Variants in SAP130 observed in about 807,000 individuals in gnomAD.
SAP130 encodes the protein Sin3A associated protein 130.
SAP130 carries 16 observed loss-of-function variants against 103.2 expected under a neutral mutation model. The observed-to-expected ratio is 0.16, with a 90% CI of 0.10 to 0.24. The LOEUF is 0.24. Ranked by LOEUF, SAP130 falls within the 10% of genes least tolerant of loss-of-function variation. The pLI, the probability that SAP130 is intolerant of heterozygous loss-of-function variation, is 1.00. For missense variants in SAP130, 990 were observed against 1,359.7 expected, an observed-to-expected ratio of 0.73 and a Z score of 4.28; for synonymous variants, 477 against 497.0, an observed-to-expected ratio of 0.96 and a Z score of 0.53.
At chr2:127,994,299 G>A (rs971739696) in intron 11 of SAP130, among the ~76,000 whole-genome samples, 1 of 152,202 alleles carries the variant, frequency 6.6e-6, no homozygotes, top group African/African-American at 2.4e-5. Flanking sequence ...GGGAGACTGA[G>A]GCAGGTGAAT....
At chr2:128,014,776 G>T in intron 5 of SAP130, 27 bp downstream of exon 5, 2 of 1,505,758 alleles carry the variant, frequency 1.3e-6, no homozygotes, top group Non-Finnish European at 1.8e-6. Context: ...CATTTTGAGA[G>T]TTTGAACAAA....
chr2:127,986,414 G>A lies in SAP130; in HGVS notation c.1958+371C>T, dbSNP rs1289680718. Reference sequence around the variant, plus strand: ...CAAGGGAACTTTTCCCGTTTCAACAGCAACGATTCATGCTGAATGAAGTTT... The same window carrying A: ...CAAGGGAACTTTTCCCGTTTCAACAACAACGATTCATGCTGAATGAAGTTT... On this transcript the variant is annotated intron_variant, in intron 14 of 20. Coordinates refer to ENST00000643581, the MANE Select transcript of SAP130 (RefSeq NM_001330301.2). This position sits in a 1 kb window ranked among gnomAD's most constrained non-coding sequence, Gnocchi z 4.7. Among the ~76,000 whole-genome samples the A allele has an allele frequency of 6.6e-6, 1 of 152,194 alleles. No individual in the cohort carries two copies. Among genetic ancestry groups the A allele is most frequent in the Non-Finnish European group, 1.5e-5 (1 of 68,044 alleles).
chr2:127,988,102 G>A (rs1363722919), intron 13 of SAP130, among the ~76,000 whole-genome samples: 1 of 152,100 alleles, frequency 6.6e-6, no homozygotes, highest in Non-Finnish European at 1.5e-5. Flanking sequence ...TTAAATAGTT[G>A]AATTCAAGGT....
chr2:127,954,164 T>C (rs190528454), intron 16 of SAP130, among the ~76,000 whole-genome samples: 15 of 152,166 alleles, frequency 9.9e-5, no homozygotes, highest in African/African-American at 3.4e-4. Context: ...TTGAAGAAAG[T>C]GCCAAGGGTA....
intron 15 of SAP130, among the ~76,000 whole-genome samples, chr2:127,956,427 A>G (rs1346156837): frequency 6.6e-6 from 1 of 152,156 alleles, no homozygotes. Flanking sequence ...AAGTAAAACC[A>G]CCTGGGGCTT....
chr2:128,024,284 G>C (rs537152469), intron 2 of SAP130, among the ~76,000 whole-genome samples: 1 of 151,878 alleles, frequency 6.6e-6, no homozygotes, highest in East Asian at 1.9e-4. Flanking sequence ...TTTGAGACAA[G>C]CCTGGTCAAC....
At chr2:128,023,548 G>A (rs1007872757) in intron 2 of SAP130, among the ~76,000 whole-genome samples, 1 of 152,170 alleles carries the variant, frequency 6.6e-6, no homozygotes, top group Non-Finnish European at 1.5e-5. Context: ...GGGAGGCTGA[G>A]GCGGGCAGAT....
At chr2:127,983,820 G>GTTTTTT (rs1455013059) in intron 14 of SAP130, among the ~76,000 whole-genome samples, 1 of 112,354 alleles carries the variant, frequency 8.9e-6, no homozygotes, top group African/African-American at 3.8e-5. Flanking sequence ...CTATTACTTT[G>GTTTTTT]TTGTTTTTTT....
intron 15 of SAP130, among the ~76,000 whole-genome samples, chr2:127,957,357 C>G (rs2104773967): frequency 6.6e-6 from 1 of 152,258 alleles, no homozygotes; most frequent in East Asian, 1.9e-4. Context: ...ACACTAGAGT[C>G]TGAACTGTAT....
chr2:127,955,181 G>T lies in SAP130; in HGVS notation c.2227C>A (p.Pro743Thr). The change falls in exon 16 of 21, where the codon CCG becomes ACG. Residue 743 changes from proline (P) to threonine (T), a missense_variant. By Grantham distance (38) the Pro-to-Thr change is conservative. Around this residue, in one of 6 missense-constraint regions of SAP130, gnomAD observed 349 missense variants for 384.1 expected, o/e 0.91. Transcript: ENST00000643581. This position sits in a 1 kb window ranked among gnomAD's most constrained non-coding sequence, Gnocchi z 4.9. ...IPTMIAAASP[P>T]SQPAVALSTI... Reference sequence around the variant, plus strand: ...GAAAGGGCAACGGCTGGTTGTGACGGGGGACTGGCTGCTGCAATCATAGTT... The same window carrying T: ...GAAAGGGCAACGGCTGGTTGTGACGTGGGACTGGCTGCTGCAATCATAGTT... 1 of 1,614,182 alleles carries T rather than the reference G, an allele frequency of 6.2e-7. No homozygotes were observed.
Position 127,941,584 on chromosome 2 carries a change from G to T in SAP130, c.*422C>A. ...AGAACCGAATGGGGTGGGTGGAAGA[G>T]GTTTTATTTTCAGTGTAGAGAGATA... On this transcript the variant is annotated 3_prime_UTR_variant, in exon 21 of 21. Transcript: ENST00000643581. 1 of 161,780 alleles carries T rather than the reference G, an allele frequency of 6.2e-6. No homozygotes were observed. The highest frequency in any genetic ancestry group is 1.3e-5 in the Non-Finnish European group (1 of 74,686). 10.0% of individuals were successfully genotyped at this position (161,780 alleles called of 1,614,324 possible).
intron 2 of SAP130, among the ~76,000 whole-genome samples, chr2:128,024,051 A>G (rs775957086): frequency 2.6e-5 from 4 of 151,854 alleles, no homozygotes; most frequent in African/African-American, 9.7e-5. Context: ...AAGAATGTGC[A>G]AAGTCCCAAA....
intron 12 of SAP130, among the ~76,000 whole-genome samples, chr2:127,992,462 T>A (rs1169926790): frequency 1.3e-5 from 2 of 151,956 alleles, no homozygotes; most frequent in Non-Finnish European, 2.9e-5. Context: ...GTATTTTTAG[T>A]AGAGACAGGG....
chr2:127,958,505 T>C (rs1169782838), intron 15 of SAP130, among the ~76,000 whole-genome samples: 2 of 152,150 alleles, frequency 1.3e-5, no homozygotes, highest in Non-Finnish European at 2.9e-5. Context: ...ACACATAAGA[T>C]ATAAAGATCA....
intron 15 of SAP130, among the ~76,000 whole-genome samples, chr2:127,972,919 C>T (rs1356765735): frequency 6.6e-6 from 1 of 152,026 alleles, no homozygotes; most frequent in Non-Finnish European, 1.5e-5. Flanking sequence ...GGTGACTGGG[C>T]AAGACCCTGT....
intron 7 of SAP130, among the ~76,000 whole-genome samples, chr2:128,006,881 G>A (rs932925046): frequency 7.2e-5 from 11 of 152,312 alleles, no homozygotes; most frequent in Admixed American, 3.3e-4. Context: ...TGTTGAAGAA[G>A]TTCTATCTTA....
chr2:127,953,225 T>C lies in SAP130; in HGVS notation c.2422+1761A>G, dbSNP rs1679609426. Among the ~76,000 whole-genome samples the C allele has an allele frequency of 1.3e-5, 2 of 152,222 alleles. No homozygotes were observed. Among genetic ancestry groups the C allele is most frequent in the South Asian group, 4.1e-4 (2 of 4,836 alleles). ...CAAAAATCTTGGAAATTGTCCCAGA[T>C]ACTGTTCTCTCACACTCAACATCCA... On this transcript the variant is annotated intron_variant, in intron 16 of 20. Transcript: ENST00000643581. The surrounding 1 kb of genome is among the most constrained non-coding windows in gnomAD (Gnocchi z 4.0).
chr2:127,953,847 T>C lies in SAP130; in HGVS notation c.2422+1139A>G, dbSNP rs1679654413. Among the ~76,000 whole-genome samples the C allele has an allele frequency of 6.6e-6, 1 of 152,206 alleles. No individual in the cohort carries two copies. The highest frequency in any genetic ancestry group is 1.5e-5 in the Non-Finnish European group (1 of 68,040). ...TTCCTTATATTTTGTCCCTGCTTTG[T>C]TTCTCCATAGAACTTATCACCCAAA... On this transcript the variant is annotated intron_variant, in intron 16 of 20. Transcript: ENST00000643581. This position sits in a 1 kb window ranked among gnomAD's most constrained non-coding sequence, Gnocchi z 4.0.
At chr2:127,945,115 G>A (rs77111212) in intron 19 of SAP130, among the ~76,000 whole-genome samples, 1,693 of 152,234 alleles carry the variant, frequency 0.011, 17 homozygotes, top group Middle Eastern at 0.048. Context: ...GACTTCATCT[G>A]AGGGAGCAGA....
Sources: gnomAD v4.1 joint callset for allele counts (sites outside exome capture counted in the v4.1 genomes callset) on GRCh38, gnomAD v4.1.1 for gene constraint, gnomAD v4.1.1 regional missense constraint, Gnocchi (gnomAD v3.1) non-coding constraint, MANE v1.5 for transcripts, NCBI Gene and HGNC (gene_info 2026-07-23, HGNC 2026-07-21) for gene names.